TENM3: variants seen among roughly 807,000 people sequenced by gnomAD.
TENM3 encodes teneurin-3.
TENM3 carries 63 observed loss-of-function variants against 255.1 expected under a neutral mutation model. The observed-to-expected ratio is 0.25, with a 90% CI of 0.20 to 0.30. TENM3 has a LOEUF of 0.30. TENM3 is among the 10% of genes least tolerant of loss of function. The pLI is 1.00. For missense variants in TENM3, 2,929 were observed against 3,461.1 expected, an observed-to-expected ratio of 0.85 and a Z score of 3.86; for synonymous variants, 1,306 against 1,322.3, an observed-to-expected ratio of 0.99 and a Z score of 0.27.
At chr4:181,950,983 A>G in the TENM3 span, among the ~76,000 whole-genome samples, 12 of 152,240 alleles carry the variant, frequency 7.9e-5, no homozygotes, top group South Asian at 2.1e-4. Flanking sequence ...TGGAAGCTGC[A>G]GTGAGCCATG....
chr4:181,459,980 ACTTTT>A, the TENM3 span, among the ~76,000 whole-genome samples: 25 of 151,762 alleles, frequency 1.6e-4, no homozygotes, highest in Non-Finnish European at 3.2e-4. Context: ...ACCTCTCTTC[ACTTTT>A]CTTCATTCAA....
At chr4:181,833,132 C>A in the TENM3 span, among the ~76,000 whole-genome samples, 1 of 152,020 alleles carries the variant, frequency 6.6e-6, no homozygotes, top group East Asian at 1.9e-4. Flanking sequence ...AATCTTATAC[C>A]AATATTCTTA....
intron 4 of TENM3, among the ~76,000 whole-genome samples, chr4:182,626,636 G>A (rs775492614): frequency 5.3e-5 from 8 of 152,142 alleles, no homozygotes; most frequent in Admixed American, 2.0e-4. Context: ...GTTTCAGAGC[G>A]CTTAATAACC....
chr4:181,456,586 G>A, the TENM3 span, among the ~76,000 whole-genome samples: 3 of 151,994 alleles, frequency 2.0e-5, no homozygotes, highest in South Asian at 2.1e-4. Context: ...TGAGCAAGAT[G>A]AGTAAATGGG....
the TENM3 span, among the ~76,000 whole-genome samples, chr4:181,934,048 C>CTA: frequency 6.8e-6 from 1 of 147,394 alleles, no homozygotes; most frequent in African/African-American, 2.5e-5. Context: ...ATTCCCCTTT[C>CTA]TGTGTGTGTG....
At chr4:182,204,342 G>A (rs183429522) in intron 1 of TENM3, among the ~76,000 whole-genome samples, 118 of 152,290 alleles carry the variant, frequency 7.7e-4, no homozygotes, top group East Asian at 5.4e-3. Context: ...TTAAGAGTGT[G>A]TGGTACAACC....
intron 16 of TENM3, among the ~76,000 whole-genome samples, chr4:182,731,365 G>A (rs536674022): frequency 8.6e-5 from 13 of 151,886 alleles, no homozygotes; most frequent in African/African-American, 2.2e-4. Flanking sequence ...AAAATTAGCC[G>A]GGCATGGTGA....
At chr4:182,256,509 A>G (rs1396034057) in intron 1 of TENM3, among the ~76,000 whole-genome samples, 1 of 152,214 alleles carries the variant, frequency 6.6e-6, no homozygotes, top group Admixed American at 6.5e-5. Flanking sequence ...CTGAAAATGC[A>G]TTCATCTGCC....
chr4:181,541,687 C>T, the TENM3 span, among the ~76,000 whole-genome samples: 3 of 152,328 alleles, frequency 2.0e-5, no homozygotes, highest in East Asian at 3.9e-4. Flanking sequence ...TCCTTAACTA[C>T]GCTCTTTCCA....
the TENM3 span, among the ~76,000 whole-genome samples, chr4:181,564,814 C>G: frequency 6.6e-6 from 1 of 152,160 alleles, no homozygotes; most frequent in African/African-American, 2.4e-5. Context: ...CAGTATCCTG[C>G]TGTGTGAGTC....
the TENM3 span, among the ~76,000 whole-genome samples, chr4:181,521,747 A>G: frequency 6.6e-6 from 1 of 151,958 alleles, no homozygotes; most frequent in African/African-American, 2.4e-5. Flanking sequence ...CATGTCAGTC[A>G]TTACCAAGCA....
chr4:182,327,417 G>C (rs1242405464), intron 2 of TENM3, among the ~76,000 whole-genome samples: 1 of 152,172 alleles, frequency 6.6e-6, no homozygotes, highest in Non-Finnish European at 1.5e-5. Flanking sequence ...GGGACAAGCA[G>C]GGTTTCCGTT....
At chr4:181,529,907 C>T in the TENM3 span, among the ~76,000 whole-genome samples, 1 of 152,168 alleles carries the variant, frequency 6.6e-6, no homozygotes, top group Admixed American at 6.5e-5. Flanking sequence ...ATACAAACTT[C>T]CTATGTGGCC....
chr4:182,601,152 T>G lies in TENM3; in HGVS notation c.740T>G (p.Leu247Arg). The change falls in exon 4 of 28, where the codon CTG (leucine) becomes CGG (arginine). Residue 247 changes from leucine to arginine, a missense_variant. Leu to Arg is a moderately radical substitution (Grantham distance 102, BLOSUM62 -2). Coordinates refer to ENST00000511685, the MANE Select transcript of TENM3 (RefSeq NM_001080477.4). ...TGGGTCCTTGGCAGTAATGTACCACTGGAAAGCAGGTAACATCTAAAATTT... is the reference window on the plus strand; with the variant it reads ...TGGGTCCTTGGCAGTAATGTACCACGGGAAAGCAGGTAACATCTAAAATTT... The part of the protein sequence containing the change: ...DSWVLGSNVP[L>R]ESRHFLFKTG... 1.2e-6 allele frequency: 2 copies of G among 1,613,542 alleles called. No individual in the cohort carries two copies. The highest frequency in any genetic ancestry group is 4.5e-5 in the East Asian group (2 of 44,864).
chr4:182,679,874 T>C lies in TENM3; in HGVS notation c.1535T>C (p.Ile512Thr), dbSNP rs1051879351. The change falls in exon 8 of 28, where the codon ATA becomes ACA. Residue 512 changes from isoleucine to threonine, a missense_variant and splice_region_variant. Physicochemically the swap from Ile to Thr is moderately conservative, Grantham distance 89. Around this residue, in one of 6 missense-constraint regions of TENM3, gnomAD observed 1,608 missense variants for 1,884.4 expected, o/e 0.85. Transcript: ENST00000511685. ...AEQVSFNTIV[I>T]ESVVECPRNC... The stretch of plus-strand genomic sequence containing the variant: ...CAGGTGTCTTTTAATACCATTGTTA[T>C]AGGTAAGAATAGTCTTCAAAGCAGC... 12 of 1,602,290 alleles carry C rather than the reference T, an allele frequency of 7.5e-6. No homozygotes were observed. Among genetic ancestry groups the C allele is most frequent in the Admixed American group, 1.7e-5 (1 of 58,240 alleles).
rs1766700236 is a variant in TENM3, at chr4:182,799,030, C to T, written c.7345-566C>T. 6.6e-6 allele frequency among the ~76,000 whole-genome samples: 1 copy of T among 152,248 alleles called. No individual in the cohort carries two copies. Among genetic ancestry groups the T allele is most frequent in the South Asian group, 2.1e-4 (1 of 4,826 alleles). On this transcript the variant is annotated intron_variant, in intron 27 of 27. Coordinates refer to ENST00000511685, the MANE Select transcript of TENM3 (RefSeq NM_001080477.4). This position sits in a 1 kb window ranked among gnomAD's most constrained non-coding sequence, Gnocchi z 4.2. ...CAAATATCGTCTCCAGCTGCCCCAC[C>T]TTCCACTCATCCCTGTACATTTCAG...
chr4:182,694,270 T>G (rs900648594), intron 12 of TENM3, among the ~76,000 whole-genome samples: 1 of 151,996 alleles, frequency 6.6e-6, no homozygotes, highest in African/African-American at 2.4e-5. Context: ...CCACCACACC[T>G]GGCTCATTTT....
chr4:181,760,777 T>A, the TENM3 span, among the ~76,000 whole-genome samples: 1 of 149,292 alleles, frequency 6.7e-6, no homozygotes, highest in Non-Finnish European at 1.5e-5. Context: ...TGGTTGATGA[T>A]TCTCTCCTCT....
intron 1 of TENM3, among the ~76,000 whole-genome samples, chr4:182,287,433 C>T (rs1225430479): frequency 1.3e-5 from 2 of 152,146 alleles, no homozygotes; most frequent in East Asian, 3.9e-4. Flanking sequence ...AATGCCCTTT[C>T]ACCAGACCCT....
Sources: gnomAD v4.1 joint callset for allele counts (sites outside exome capture counted in the v4.1 genomes callset) on GRCh38, gnomAD v4.1.1 for gene constraint, gnomAD v4.1.1 regional missense constraint, Gnocchi (gnomAD v3.1) non-coding constraint, MANE v1.5 for transcripts, NCBI Gene and HGNC (gene_info 2026-07-23, HGNC 2026-07-21) for gene names.